MYOM1: variants seen among roughly 807,000 people sequenced by gnomAD.
MYOM1 encodes myomesin 1.
A neutral mutation model predicts 205.3 loss-of-function variants in MYOM1; 164 were observed. The ratio of observed to expected loss-of-function variants is 0.80; its 90% confidence interval spans 0.70 to 0.91. MYOM1 has a LOEUF of 0.91. Ranked by LOEUF, MYOM1 falls within the 40% of genes least tolerant of loss-of-function variation. MYOM1 has a pLI of 0.00. For missense variants in MYOM1, 2,011 were observed against 2,127.3 expected (o/e 0.95, Z 1.08); for synonymous variants, 772 against 789.4 (o/e 0.98, Z 0.37).
intron 5 of MYOM1, among the ~76,000 whole-genome samples, chr18:3,182,479 A>G (rs2080749560): frequency 6.6e-6 from 1 of 152,250 alleles, no homozygotes; most frequent in African/African-American, 2.4e-5. Context: ...CTCCTTTTAA[A>G]GAAAACTTTT....
intron 2 of MYOM1, among the ~76,000 whole-genome samples, chr18:3,196,936 T>C (rs886624536): frequency 6.6e-6 from 1 of 152,218 alleles, no homozygotes; most frequent in African/African-American, 2.4e-5. Context: ...AAACCATTTA[T>C]AGAATCTCAG....
intron 25 of MYOM1, among the ~76,000 whole-genome samples, chr18:3,098,363 C>T (rs570255399): frequency 3.9e-5 from 6 of 152,158 alleles, no homozygotes; most frequent in South Asian, 2.1e-4. Context: ...CTGCAACCTT[C>T]GCCTCCCGGG....
intron 36 of MYOM1, among the ~76,000 whole-genome samples, chr18:3,072,341 C>G (rs932096567): frequency 1.1e-5 from 1 of 92,850 alleles, no homozygotes. Context: ...CGTGAGCCAC[C>G]GCACCCGGCT....
chr18:3,156,096 G>C (rs767470958), intron 10 of MYOM1, among the ~76,000 whole-genome samples: 1 of 152,210 alleles, frequency 6.6e-6, no homozygotes, highest in Non-Finnish European at 1.5e-5. Context: ...ATAGGAGGGA[G>C]AGAAGGGGGA....
chr18:3,130,403 A>G (rs1210623950), intron 17 of MYOM1, among the ~76,000 whole-genome samples: 4 of 152,166 alleles, frequency 2.6e-5, no homozygotes, highest in African/African-American at 7.2e-5. Context: ...AATCAATATT[A>G]AATCAGCTTT....
rs2079937412 is a variant in MYOM1 at position 3,135,139 on chromosome 18, G to A, written c.2210-315C>T. On this transcript the variant is annotated intron_variant, in intron 15 of 37. Coordinates refer to ENST00000356443, the MANE Select transcript of MYOM1 (RefSeq NM_003803.4). This position sits in a 1 kb window ranked among gnomAD's most constrained non-coding sequence, Gnocchi z 4.1. ...TAATTTTTGTGTTTTCAGTAGAGAT[G>A]GGGTTTCACCATGTTGGCCAGGCTG... is the stretch of plus-strand genomic sequence containing the variant. 3.1e-6 allele frequency: 1 copy of A among 325,936 alleles called. No individual in the cohort carries two copies. The highest frequency in any genetic ancestry group is 5.8e-6 in the Non-Finnish European group (1 of 171,606). 20.2% of individuals were successfully genotyped at this position (325,936 alleles called of 1,614,324 possible).
In MYOM1 at chr18:3,116,528, G is replaced by C. The variant is rs760774448; in HGVS notation, c.3119-13C>G. Reference sequence around the variant, plus strand: ...CTGTGCGGTGGTCCTGAGAGAGAGAGAAGCCAATGAGTAGAAATCATAACA... The same window carrying C: ...CTGTGCGGTGGTCCTGAGAGAGAGACAAGCCAATGAGTAGAAATCATAACA... On this transcript the variant is annotated splice_polypyrimidine_tract_variant and intron_variant, in intron 20 of 37. Transcript: ENST00000356443. 1 of 1,500,148 alleles carries C rather than the reference G, an allele frequency of 6.7e-7. No individual in the cohort carries two copies. Among genetic ancestry groups the C allele is most frequent in the East Asian group, 2.3e-5 (1 of 42,784 alleles). The allele number at this position is 1,500,148 out of a possible 1,614,324, so 92.9% of individuals were successfully genotyped here. A position where few individuals can be genotyped will look rare whatever the true frequency, so the allele number is the denominator to read the frequency against.
intron 8 of MYOM1, among the ~76,000 whole-genome samples, chr18:3,169,460 C>CA (rs2080522738): frequency 6.6e-6 from 1 of 151,984 alleles, no homozygotes; most frequent in South Asian, 2.1e-4. Flanking sequence ...TACTCAATAG[C>CA]AAAAAATTCA....
chr18:3,182,086 T>C (rs1196191968), intron 5 of MYOM1, among the ~76,000 whole-genome samples: 2 of 152,108 alleles, frequency 1.3e-5, no homozygotes, highest in Admixed American at 1.3e-4. Context: ...GAGGATCTAG[T>C]CCAGTGTCCA....
chr18:3,130,152 C>T (rs548428251), intron 17 of MYOM1, among the ~76,000 whole-genome samples: 5 of 151,912 alleles, frequency 3.3e-5, no homozygotes, highest in Admixed American at 2.0e-4. Flanking sequence ...AAACAATTCT[C>T]GTGCCTCAGC....
intron 5 of MYOM1, among the ~76,000 whole-genome samples, chr18:3,186,825 AGAAAGAAAG>A (rs1191937987): frequency 2.7e-5 from 4 of 146,698 alleles, no homozygotes; most frequent in African/African-American, 1.0e-4. Context: ...AGAAAGAAAG[AGAAAGAAAG>A]AAGAGAAAAG....
intron 1 of MYOM1, among the ~76,000 whole-genome samples, chr18:3,217,798 C>T (rs375239233): frequency 2.0e-5 from 3 of 151,850 alleles, no homozygotes; most frequent in East Asian, 1.9e-4. Flanking sequence ...GCCTGGGCAA[C>T]GTGGTGAGAC....
At chr18:3,237,988 C>T in the MYOM1 span, among the ~76,000 whole-genome samples, 7,426 of 152,112 alleles carry the variant, frequency 0.049, 422 homozygotes, top group African/African-American at 0.14. Flanking sequence ...GCAGGGGTGG[C>T]GGTCGGGGGG....
intron 4 of MYOM1, 59 bp downstream of exon 4, chr18:3,188,689 A>ACC (rs1229117153): frequency 1.4e-6 from 2 of 1,398,346 alleles, no homozygotes; most frequent in East Asian, 4.9e-5. Flanking sequence ...ACACACACAC[A>ACC]CACCCCTTAT....
At chr18:3,067,628 G>C in intron 37 of MYOM1, 73 bp from the exon 38 acceptor site, 1 of 1,518,376 alleles carries the variant, frequency 6.6e-7, no homozygotes. Context: ...AATCTTGCCG[G>C]CTGGTGGCTT....
At position 3,215,137 on chromosome 18, in the gene MYOM1, GTAGTGACTCACGGTGC is replaced by G. The variant is rs767564827; in HGVS notation, c.71_86del (p.Ser24ThrfsTer50). On this transcript the variant is annotated frameshift_variant, in exon 2 of 38. Transcript: ENST00000356443. LOFTEE classifies it high-confidence loss of function. ...CGGCGGAGCGTTTCTTCTCCCGCTGGTAGTGACTCACGGTGCTGCGCACGTCCTTGTTGCGGTAGCT... is the reference window on the plus strand; with the variant it reads ...CGGCGGAGCGTTTCTTCTCCCGCTGGTGCGCACGTCCTTGTTGCGGTAGCT... 4 of 1,613,836 alleles carry G rather than the reference GTAGTGACTCACGGTGC, an allele frequency of 2.5e-6. No individual in the cohort carries two copies. In the Admixed American group the frequency reaches 5.0e-5, roughly 20 times the overall value.
chr18:3,099,683 G>A (rs4798067), intron 25 of MYOM1, among the ~76,000 whole-genome samples: 121,731 of 152,192 alleles, frequency 0.8, 48,842 homozygotes, highest in Non-Finnish European at 0.83. Flanking sequence ...TTTTTCTGAC[G>A]AAGGCATGTT....
intron 12 of MYOM1, 139 bp downstream of exon 12, chr18:3,151,555 G>A (rs551093475): frequency 5.5e-5 from 33 of 604,662 alleles, no homozygotes; most frequent in Non-Finnish European, 7.8e-5. Flanking sequence ...TCTCCCCCTC[G>A]GATTTTCTGA....
chr18:3,216,328 A>G (rs771143257), intron 1 of MYOM1, among the ~76,000 whole-genome samples: 1 of 152,226 alleles, frequency 6.6e-6, no homozygotes, highest in Non-Finnish European at 1.5e-5. Flanking sequence ...TGCCTGCTCT[A>G]ATTACCTTGT....
Sources: gnomAD v4.1 joint callset for allele counts (sites outside exome capture counted in the v4.1 genomes callset) on GRCh38, gnomAD v4.1.1 for gene constraint, Gnocchi (gnomAD v3.1) non-coding constraint, MANE v1.5 for transcripts, NCBI Gene and HGNC (gene_info 2026-07-23, HGNC 2026-07-21) for gene names.